The following COL23A1 variants were observed in gnomAD, a reference collection of about 807,000 sequenced individuals.
COL23A1 encodes the protein collagen type XXIII alpha 1 chain, also known as collagen alpha-1(XXIII) chain.
Under a neutral mutation model 99.3 loss-of-function variants are expected in COL23A1, and 97 were observed. The ratio of observed to expected loss-of-function variants is 0.98; its 90% CI spans 0.83 to 1.16. COL23A1 has a LOEUF of 1.16. Ranked by LOEUF, COL23A1 falls within the 50% of genes most tolerant of loss-of-function variation. The pLI is 0.00. For synonymous variants in COL23A1, 320 were observed against 308.2 expected (o/e 1.04, Z -0.40); for missense variants, 762 against 757.4 (o/e 1.01, Z -0.07).
intron 5 of COL23A1, among the ~76,000 whole-genome samples, chr5:178,286,621 C>A (rs1757167832): frequency 6.6e-6 from 1 of 152,208 alleles, no homozygotes; most frequent in African/African-American, 2.4e-5. Flanking sequence ...GAGAGCCACG[C>A]CCAGCTACTC....
At chr5:178,374,583 C>T (rs187591676) in intron 2 of COL23A1, among the ~76,000 whole-genome samples, 29 of 152,336 alleles carry the variant, frequency 1.9e-4, no homozygotes, top group African/African-American at 7.0e-4. Context: ...GAGAACAGCA[C>T]CTACCTCACT....
intron 16 of COL23A1, among the ~76,000 whole-genome samples, chr5:178,254,124 C>T (rs562692550): frequency 3.3e-5 from 5 of 152,242 alleles, no homozygotes; most frequent in South Asian, 2.1e-4. Context: ...AGATCACACC[C>T]AGCCTGGGCG....
intron 2 of COL23A1, among the ~76,000 whole-genome samples, chr5:178,324,086 C>T (rs1474425015): frequency 6.6e-6 from 1 of 152,042 alleles, no homozygotes; most frequent in African/African-American, 2.4e-5. Flanking sequence ...ACACAAGCAG[C>T]TCCTTTCCCT....
chr5:178,356,402 G>A (rs1250559691), intron 2 of COL23A1, among the ~76,000 whole-genome samples: 5 of 152,014 alleles, frequency 3.3e-5, no homozygotes, highest in African/African-American at 1.2e-4. Flanking sequence ...GCGCAGCACA[G>A]GGGGTAAAGC....
intron 1 of COL23A1, among the ~76,000 whole-genome samples, chr5:178,568,875 C>T (rs143595208): frequency 1.5e-4 from 23 of 152,312 alleles, no homozygotes; most frequent in African/African-American, 2.2e-4. Flanking sequence ...TTGTGTACGG[C>T]GCTGCTGTGA....
At chr5:178,576,144 C>A (rs545536299) in intron 1 of COL23A1, among the ~76,000 whole-genome samples, 1 of 152,260 alleles carries the variant, frequency 6.6e-6, no homozygotes, top group South Asian at 2.1e-4. Context: ...GGTGATTTTG[C>A]GAAGGTAGTT....
chr5:178,267,532 C>G (rs11249797), intron 7 of COL23A1, among the ~76,000 whole-genome samples, 199 bp from the exon 8 acceptor site: 16,979 of 152,190 alleles, frequency 0.11, 1,644 homozygotes, highest in African/African-American at 0.26. Flanking sequence ...CAAGGTCACA[C>G]AGCTAGCAGA....
intron 13 of COL23A1, 83 bp downstream of exon 13, chr5:178,257,440 G>T (rs1765368451): frequency 1.3e-6 from 2 of 1,483,642 alleles, no homozygotes; most frequent in East Asian, 4.9e-5. Flanking sequence ...GGTGCCAAAG[G>T]TCCAGGGTAG....
At chr5:178,512,136 T>C (rs1181493990) in intron 2 of COL23A1, among the ~76,000 whole-genome samples, 1 of 152,240 alleles carries the variant, frequency 6.6e-6, no homozygotes. Context: ...AGTAATTATC[T>C]GTAAGCAGAA....
rs1404940202 is a variant in COL23A1 at position 178,384,386 on chromosome 5, C to T, written c.362-77467G>A. ...GCTCAGTCTTGACATGAGGTGAAGC[C>T]TCAGGAAAGCCCGGGGCTGTTCATC... On this transcript the variant is annotated intron_variant, in intron 2 of 28. Coordinates refer to ENST00000390654, the MANE Select transcript of COL23A1 (RefSeq NM_173465.4). This position sits in a 1 kb window ranked among gnomAD's most constrained non-coding sequence, Gnocchi z 5.5. Among the ~76,000 whole-genome samples, 1 of 152,228 alleles carries T rather than the reference C, an allele frequency of 6.6e-6. No homozygotes were observed. The highest frequency in any genetic ancestry group is 1.5e-5 in the Non-Finnish European group (1 of 68,048).
intron 1 of COL23A1, among the ~76,000 whole-genome samples, chr5:178,585,755 T>TAA (rs1554201779): frequency 1.6e-3 from 14 of 9,030 alleles, no homozygotes; most frequent in Non-Finnish European, 4.7e-3. Flanking sequence ...ACCCTGTTGG[T>TAA]TGCTCCCCAG....
rs191623567 is a variant in COL23A1, at chr5:178,332,327, T to C, written c.362-25408A>G. 1.7e-3 allele frequency among the ~76,000 whole-genome samples: 265 copies of C among 152,256 alleles called. 5 individuals are homozygous for C. The South Asian group carries it at 0.042, about 24-fold the overall frequency. On this transcript the variant is annotated intron_variant, in intron 2 of 28. Coordinates refer to ENST00000390654, the MANE Select transcript of COL23A1 (RefSeq NM_173465.4). ...TGATTTACGGTCCACCCATCAGAGG[T>C]GTCTCAGTGAGATTCGGACTCGGCA...
In COL23A1 at chr5:178,415,660, G is replaced by A. The variant is rs777298351; in HGVS notation, c.362-108741C>T. Among the ~76,000 whole-genome samples, 23 of 152,342 alleles carry A rather than the reference G, an allele frequency of 1.5e-4. No individual in the cohort carries two copies. The highest frequency in any genetic ancestry group is 3.9e-4 in the East Asian group (2 of 5,178). ...ATGAGGGCAAGGGGACTGTGCGGGC[G>A]GCGGTGAGGTGGGCAGTCAGCAGAC... On this transcript the variant is annotated intron_variant, in intron 2 of 28. Transcript: ENST00000390654. The surrounding 1 kb of genome is among the most constrained non-coding windows in gnomAD (Gnocchi z 4.6).
At chr5:178,458,691 A>C (rs1408946250) in intron 2 of COL23A1, among the ~76,000 whole-genome samples, 3 of 152,072 alleles carry the variant, frequency 2.0e-5, no homozygotes, top group South Asian at 2.1e-4. Flanking sequence ...AAAAATAAAC[A>C]AAACAACGAA....
At chr5:178,464,617 G>A (rs1423020916) in intron 2 of COL23A1, among the ~76,000 whole-genome samples, 3 of 152,188 alleles carry the variant, frequency 2.0e-5, no homozygotes, top group Admixed American at 2.0e-4. Flanking sequence ...GCCCTGACGT[G>A]GAAGTGCAGG....
At chr5:178,530,554 T>C (rs1381367537) in intron 2 of COL23A1, among the ~76,000 whole-genome samples, 2 of 152,238 alleles carry the variant, frequency 1.3e-5, no homozygotes, top group African/African-American at 2.4e-5. Context: ...ACAGTGATAC[T>C]GCATGGCTTC....
intron 2 of COL23A1, among the ~76,000 whole-genome samples, chr5:178,354,314 T>C (rs960723859): frequency 6.6e-6 from 1 of 152,166 alleles, no homozygotes; most frequent in Non-Finnish European, 1.5e-5. Flanking sequence ...GCTCAAGTGA[T>C]CTTTCTGCCT....
chr5:178,344,848 G>A (rs530533106), intron 2 of COL23A1: 63 of 748,174 alleles, frequency 8.4e-5, no homozygotes, highest in Middle Eastern at 4.4e-4. Flanking sequence ...TGAAGATGGC[G>A]GGGCGATCTG....
intron 1 of COL23A1, among the ~76,000 whole-genome samples, chr5:178,588,002 C>T (rs534867289): frequency 6.6e-6 from 1 of 152,346 alleles, no homozygotes; most frequent in African/African-American, 2.4e-5. Context: ...ACTCCACGCA[C>T]AGCATGCGCC....
Sources: gnomAD v4.1 joint callset for allele counts (sites outside exome capture counted in the v4.1 genomes callset) on GRCh38, gnomAD v4.1.1 for gene constraint, Gnocchi (gnomAD v3.1) non-coding constraint, MANE v1.5 for transcripts, NCBI Gene and HGNC (gene_info 2026-07-23, HGNC 2026-07-21) for gene names.